Variants in XIRP2 observed in about 807,000 individuals in gnomAD.
XIRP2 encodes xin actin binding repeat containing 2.
Under a neutral mutation model 277.0 loss-of-function variants are expected in XIRP2, and 236 were observed. The ratio of observed to expected loss-of-function variants is 0.85; its 90% CI spans 0.77 to 0.95. The LOEUF is 0.95. XIRP2 is among the 40% of genes least tolerant of loss of function. The pLI is 0.00. For synonymous variants in XIRP2, 1,490 were observed against 1,416.5 expected (o/e 1.05, Z -1.17); for missense variants, 4,640 against 4,157.5 (o/e 1.12, Z -3.19).
chr2:166,936,780 T>G (rs933734426), intron 2 of XIRP2, among the ~76,000 whole-genome samples: 3 of 152,132 alleles, frequency 2.0e-5, no homozygotes, highest in Non-Finnish European at 4.4e-5. Flanking sequence ...ATATCTCTGT[T>G]TTGGTACCAG....
chr2:166,903,992 G>A, intron 2 of XIRP2, 102 bp downstream of exon 2: 1 of 1,375,340 alleles, frequency 7.3e-7, no homozygotes, highest in African/African-American at 1.4e-5. Flanking sequence ...CAGTATTCTA[G>A]ACAGATGTCC....
intron 3 of XIRP2, among the ~76,000 whole-genome samples, chr2:167,198,557 T>C (rs180758145): frequency 1.3e-5 from 2 of 152,300 alleles, no homozygotes; most frequent in East Asian, 3.9e-4. Flanking sequence ...TGTCCTACAT[T>C]GATTCTTAAC....
At chr2:167,013,769 G>C (rs921596269) in intron 2 of XIRP2, among the ~76,000 whole-genome samples, 6 of 151,466 alleles carry the variant, frequency 4.0e-5, no homozygotes, top group African/African-American at 1.5e-4. Context: ...ATGATATAAG[G>C]ATATCTTAAA....
At chr2:167,105,231 C>T (rs1420848955) in intron 2 of XIRP2, among the ~76,000 whole-genome samples, 1 of 151,898 alleles carries the variant, frequency 6.6e-6, no homozygotes, top group Admixed American at 6.6e-5. Context: ...CCCCAGTATT[C>T]GCATTGATAC....
chr2:167,246,862 C>T lies in XIRP2; in HGVS notation c.5470C>T (p.Pro1824Ser), dbSNP rs751280067. 5.0e-6 allele frequency: 8 copies of T among 1,613,694 alleles called. No individual in the cohort carries two copies. The highest frequency in any genetic ancestry group is 5.9e-6 in the Non-Finnish European group (7 of 1,179,822). The change falls in exon 9 of 11, where the codon CCT becomes TCT. Residue 1824 changes from proline to serine, a missense_variant. Coordinates refer to ENST00000409195, the MANE Select transcript of XIRP2 (RefSeq NM_152381.6). ...HNTVKVFMTE[P>S]QSTFGKIPKE... ...CACAGTTAAGGTTTTTATGACCGAG[C>T]CTCAGAGTACATTTGGTAAGATACC...
Position 167,242,790 on chromosome 2 carries a change from G to A in XIRP2, c.1398G>A (p.Val466=). ...ACGTACTTCAAACTTCAGTAGATGT[G>A]ACAGCATTTTCCCAGTCCCCTGAAC... ...PPDVLQTSVD[V]TAFSQSPELP... is the part of the protein sequence containing the mutation. Residue 466 remains valine, a synonymous_variant, in exon 9 of 11, where the codon GTG becomes GTA. Coordinates refer to ENST00000409195, the MANE Select transcript of XIRP2 (RefSeq NM_152381.6). 1 of 1,614,038 alleles carries A rather than the reference G, an allele frequency of 6.2e-7. No homozygotes were observed. Among genetic ancestry groups the A allele is most frequent in the Non-Finnish European group, 8.5e-7 (1 of 1,179,926 alleles).
intron 2 of XIRP2, among the ~76,000 whole-genome samples, chr2:166,918,938 A>C (rs1421631188): frequency 6.6e-6 from 1 of 152,048 alleles, no homozygotes; most frequent in South Asian, 2.1e-4. Context: ...CCTCTGACTA[A>C]GTCCTTTCTC....
chr2:167,170,325 G>A (rs1692648836), intron 3 of XIRP2, among the ~76,000 whole-genome samples: 1 of 151,908 alleles, frequency 6.6e-6, no homozygotes. Context: ...AAAAAAACAT[G>A]TCAGGAAGTG....
chr2:167,130,552 T>A (rs914157092), intron 2 of XIRP2, among the ~76,000 whole-genome samples: 2 of 152,282 alleles, frequency 1.3e-5, no homozygotes, highest in African/African-American at 2.4e-5. Context: ...CAGTCACCAC[T>A]CTTTACAATT....
chr2:167,167,203 C>A (rs1692545596), intron 3 of XIRP2, among the ~76,000 whole-genome samples: 1 of 151,908 alleles, frequency 6.6e-6, no homozygotes, highest in African/African-American at 2.4e-5. Context: ...TATCCATTTA[C>A]TTTTATTCTA....
At chr2:166,911,696 T>C (rs1218648934) in intron 2 of XIRP2, among the ~76,000 whole-genome samples, 1 of 152,228 alleles carries the variant, frequency 6.6e-6, no homozygotes, top group East Asian at 1.9e-4. Flanking sequence ...TGCGGTTTCT[T>C]CCTAGTATTG....
intron 2 of XIRP2, among the ~76,000 whole-genome samples, chr2:167,127,281 GA>G (rs1156730336): frequency 7.2e-5 from 11 of 152,092 alleles, no homozygotes; most frequent in Non-Finnish European, 4.4e-5. Flanking sequence ...GGATGCACAT[GA>G]AACATAAGGT....
intron 2 of XIRP2, among the ~76,000 whole-genome samples, chr2:166,957,791 G>C (rs181506398): frequency 6.6e-6 from 1 of 151,728 alleles, no homozygotes; most frequent in Non-Finnish European, 1.5e-5. Flanking sequence ...CACTTCAGGC[G>C]TACTTTTTAT....
At chr2:167,012,910 T>C (rs1687721725) in intron 2 of XIRP2, among the ~76,000 whole-genome samples, 1 of 151,482 alleles carries the variant, frequency 6.6e-6, no homozygotes, top group African/African-American at 2.4e-5. Context: ...TTATTTCCAG[T>C]TCATCATTGG....
intron 2 of XIRP2, among the ~76,000 whole-genome samples, chr2:166,951,276 G>C (rs531629395): frequency 6.6e-6 from 1 of 152,006 alleles, no homozygotes; most frequent in African/African-American, 2.4e-5. Context: ...ATTGGCTCAT[G>C]GTTCTGCAGG....
At chr2:167,095,416 C>T (rs926868597) in intron 2 of XIRP2, among the ~76,000 whole-genome samples, 3 of 152,100 alleles carry the variant, frequency 2.0e-5, no homozygotes, top group Admixed American at 2.0e-4. Context: ...ATGCTTCCAG[C>T]TTTTGCCCAT....
Position 166,920,186 on chromosome 2 carries a change from C to T in XIRP2, c.408+16296C>T, listed in dbSNP as rs148581671. Among the ~76,000 whole-genome samples the T allele has an allele frequency of 4.6e-3, 695 of 152,194 alleles. 4 individuals are homozygous for T. Among genetic ancestry groups the T allele is most frequent in the African/African-American group, 0.016 (674 of 41,520 alleles). On this transcript the variant is annotated intron_variant, in intron 2 of 10. Coordinates refer to ENST00000409195, the MANE Select transcript of XIRP2 (RefSeq NM_152381.6). ...GGTACTGAGCTGAAGGCCTCATGAG[C>T]GCTGCCCTCATTTAATAGTCACAAT...
intron 3 of XIRP2, among the ~76,000 whole-genome samples, chr2:167,196,073 T>A (rs1693496993): frequency 6.6e-6 from 1 of 152,002 alleles, no homozygotes; most frequent in Non-Finnish European, 1.5e-5. Context: ...AGATTCATAG[T>A]TCTGCACATA....
chr2:167,232,363 G>A (rs149619836), intron 5 of XIRP2, among the ~76,000 whole-genome samples: 1 of 151,940 alleles, frequency 6.6e-6, no homozygotes, highest in African/African-American at 2.4e-5. Flanking sequence ...AGAATGGTTT[G>A]GAAGTGTCAC....
Sources: gnomAD v4.1 joint callset for allele counts (sites outside exome capture counted in the v4.1 genomes callset) on GRCh38, gnomAD v4.1.1 for gene constraint, MANE v1.5 for transcripts, NCBI Gene and HGNC (gene_info 2026-07-23, HGNC 2026-07-21) for gene names.